The following BRAF variants were observed in gnomAD, a reference collection of about 807,000 sequenced individuals.
BRAF encodes serine/threonine-protein kinase B-raf.
Under a neutral mutation model 104.6 loss-of-function variants are expected in BRAF, and 16 were observed. The ratio of observed to expected loss-of-function variants is 0.15; its 90% CI spans 0.10 to 0.23. BRAF has a LOEUF of 0.23. Ranked by LOEUF, BRAF falls within the 10% of genes least tolerant of loss-of-function variation. BRAF has a pLI of 1.00. For missense variants in BRAF, 541 were observed against 937.3 expected, an observed-to-expected ratio of 0.58 and a Z score of 5.52; for synonymous variants, 310 against 341.6, an observed-to-expected ratio of 0.91 and a Z score of 1.02.
chr7:140,715,096 G>C (rs530026657), downstream of BRAF, among the ~76,000 whole-genome samples: 3 of 152,174 alleles, frequency 2.0e-5, no homozygotes, highest in African/African-American at 7.2e-5. Flanking sequence ...TGAATGCAGC[G>C]AGCAGCCTCT....
chr7:140,726,441 A>G lies in BRAF; in HGVS notation c.*53T>C. On this transcript the variant is annotated 3_prime_UTR_variant, in exon 20 of 20. Transcript: ENST00000644969. ...CAGAACTGTGTTTTGATGTTAACAA[A>G]TTGTACGAACACAAGACTTAAGAAA... is the stretch of plus-strand genomic sequence containing the variant. The G allele has an allele frequency of 6.5e-7, 1 of 1,531,652 alleles. No homozygotes were observed. The highest frequency in any genetic ancestry group is 8.7e-7 in the Non-Finnish European group (1 of 1,145,900). 94.9% of individuals were successfully genotyped at this position (1,531,652 alleles called of 1,614,324 possible).
intron 3 of BRAF, chr7:140,823,710 T>A (rs1805717486): frequency 6.6e-6 from 1 of 152,204 alleles, no homozygotes; most frequent in Non-Finnish European, 1.5e-5. Flanking sequence ...GGTAATTCTA[T>A]TTTTAGTTTT....
At position 140,803,533 on chromosome 7, in the gene BRAF, A is replaced by G. The variant is rs970694415; in HGVS notation, c.712-1973T>C. On this transcript the variant is annotated intron_variant, in intron 5 of 19. Transcript: ENST00000644969. ...GCTCTTCCTAATCTTACTAAAAAAA[A>G]TAAGAAACAGAAAAATCACCTAAAA... Among the ~76,000 whole-genome samples, 4 of 152,374 alleles carry G rather than the reference A, an allele frequency of 2.6e-5. No individual in the cohort carries two copies. In the East Asian group the frequency reaches 5.8e-4, roughly 22 times the overall value.
At chr7:140,875,952 T>A (rs1320856397) in intron 1 of BRAF, among the ~76,000 whole-genome samples, 1 of 152,166 alleles carries the variant, frequency 6.6e-6, no homozygotes, top group Non-Finnish European at 1.5e-5. Context: ...TAAAAGAAAT[T>A]CCTCACACAG....
rs1795586414 is a variant in BRAF at position 140,726,158 on chromosome 7, C to A, written c.*336G>T. Reference sequence around the variant, plus strand: ...AAGTTGACTGGCAGACTTTCCATAGCAAATCTCCCAAGCTGTAGCAGCAGT... The same window carrying A: ...AAGTTGACTGGCAGACTTTCCATAGAAAATCTCCCAAGCTGTAGCAGCAGT... On this transcript the variant is annotated 3_prime_UTR_variant, in exon 20 of 20. Transcript: ENST00000644969. 1 of 1,136,826 alleles carries A rather than the reference C, an allele frequency of 8.8e-7. No individual in the cohort carries two copies. The highest frequency in any genetic ancestry group is 1.1e-6 in the Non-Finnish European group (1 of 926,474). 70.4% of individuals were successfully genotyped at this position (1,136,826 alleles called of 1,614,324 possible). A position where few individuals can be genotyped will look rare whatever the true frequency, so the allele number is the denominator to read the frequency against.
At chr7:140,840,843 C>T (rs1807886023) in intron 2 of BRAF, among the ~76,000 whole-genome samples, 1 of 151,326 alleles carries the variant, frequency 6.6e-6, no homozygotes, top group Non-Finnish European at 1.5e-5. Context: ...GCCTCCCGGG[C>T]AGGTGGGACT....
At chr7:140,790,056 TAACTATAGGACTTG>T (rs750383397) in intron 8 of BRAF, among the ~76,000 whole-genome samples, 82 of 152,142 alleles carry the variant, frequency 5.4e-4, no homozygotes, top group Non-Finnish European at 9.3e-4. Context: ...CTGTGTATGA[TAACTATAGGACTTG>T]GTCACTGATA....
chr7:140,815,744 A>G (rs1209484553), intron 3 of BRAF, among the ~76,000 whole-genome samples: 1 of 152,084 alleles, frequency 6.6e-6, no homozygotes, highest in Non-Finnish European at 1.5e-5. Flanking sequence ...CCTAATTACA[A>G]TATTGTTTTA....
At chr7:140,743,665 T>C (rs1797115096) in intron 17 of BRAF, among the ~76,000 whole-genome samples, 1 of 151,762 alleles carries the variant, frequency 6.6e-6, no homozygotes, top group Non-Finnish European at 1.5e-5. Flanking sequence ...ATGGCACATG[T>C]ATACATATGT....
At chr7:140,866,721 C>T (rs1811003795) in intron 1 of BRAF, among the ~76,000 whole-genome samples, 1 of 151,744 alleles carries the variant, frequency 6.6e-6, no homozygotes, top group Non-Finnish European at 1.5e-5. Context: ...ATACTTAAGT[C>T]TTAACGACCT....
intron 2 of BRAF, among the ~76,000 whole-genome samples, chr7:140,848,669 T>C (rs1373050905): frequency 6.6e-6 from 1 of 152,218 alleles, no homozygotes; most frequent in South Asian, 2.1e-4. Context: ...TAATAAAAAA[T>C]TGCCATTCTC....
chr7:140,840,913 C>T (rs1386271738), intron 2 of BRAF, among the ~76,000 whole-genome samples: 2 of 151,690 alleles, frequency 1.3e-5, no homozygotes, highest in Non-Finnish European at 2.9e-5. Flanking sequence ...CGGGGTTTCG[C>T]CATGTTGCCT....
intron 8 of BRAF, among the ~76,000 whole-genome samples, chr7:140,789,541 T>C (rs1341286195): frequency 6.6e-6 from 1 of 152,254 alleles, no homozygotes; most frequent in Admixed American, 6.5e-5. Flanking sequence ...AGGAGTTATA[T>C]GGCTACTAAC....
intron 2 of BRAF, among the ~76,000 whole-genome samples, chr7:140,840,285 G>A (rs1428177163): frequency 6.6e-6 from 1 of 152,004 alleles, no homozygotes; most frequent in Non-Finnish European, 1.5e-5. Flanking sequence ...ATTAGGCAAT[G>A]GTCTCTCATG....
At chr7:140,834,901 TC>T in intron 2 of BRAF, 29 bp from the exon 3 acceptor site, 1 of 1,613,380 alleles carries the variant, frequency 6.2e-7, no homozygotes, top group South Asian at 1.1e-5. Context: ...TTATATTCAA[TC>T]CGGACTTTGT....
At chr7:140,852,064 A>G (rs1809226326) in intron 1 of BRAF, among the ~76,000 whole-genome samples, 1 of 152,208 alleles carries the variant, frequency 6.6e-6, no homozygotes, top group African/African-American at 2.4e-5. Flanking sequence ...ATCTTCTGAA[A>G]GACTGTGAGA....
At chr7:140,800,242 T>C in intron 7 of BRAF, 120 bp downstream of exon 7, 1 of 1,480,320 alleles carries the variant, frequency 6.8e-7, no homozygotes, top group Non-Finnish European at 9.4e-7. Context: ...TGATAAGTTA[T>C]TTGGGGAAAA....
Position 140,719,411 on chromosome 7 carries a change from TA to T in BRAF, c.*7082del. On this transcript the variant is annotated 3_prime_UTR_variant, in exon 20 of 20. Transcript: ENST00000644969. ...TACATAGAACTTTTTTTGCCTTTTA[TA>T]TAATACAGTTTTTAAATAACTTTAC... is the stretch of plus-strand genomic sequence containing the variant. 1 of 1,006,096 alleles carries T rather than the reference TA, an allele frequency of 9.9e-7. No homozygotes were observed. Among genetic ancestry groups the T allele is most frequent in the Non-Finnish European group, 1.2e-6 (1 of 834,892 alleles). The allele number at this position is 1,006,096 out of a possible 1,614,324, so 62.3% of individuals were successfully genotyped here.
At chr7:140,854,433 C>A (rs1264360160) in intron 1 of BRAF, among the ~76,000 whole-genome samples, 2 of 151,882 alleles carry the variant, frequency 1.3e-5, no homozygotes, top group Admixed American at 1.3e-4. Context: ...AACAGGTCAT[C>A]CTAGTTCAGT....
Sources: allele counts gnomAD v4.1 joint callset (sites outside exome capture counted in the v4.1 genomes callset), GRCh38; gene constraint gnomAD v4.1.1; transcripts MANE v1.5; gene names NCBI Gene and HGNC (gene_info 2026-07-23, HGNC 2026-07-21).